MTUS2: variants seen among roughly 807,000 people sequenced by gnomAD.
The protein encoded by MTUS2 is microtubule-associated tumor suppressor candidate 2.
MTUS2 carries 40 observed loss-of-function variants against 114.1 expected under a neutral mutation model. The ratio of observed to expected loss-of-function variants is 0.35; its 90% CI spans 0.27 to 0.46. The LOEUF (loss-of-function observed/expected upper bound fraction) is 0.46. Among genes scored for constraint, MTUS2 ranks in the 20% least tolerant of loss-of-function variants. MTUS2 has a pLI of 1.00. For synonymous variants in MTUS2, 688 were observed against 672.0 expected (o/e 1.02, Z -0.37); for missense variants, 1,679 against 1,705.4 (o/e 0.98, Z 0.27).
intron 2 of MTUS2, among the ~76,000 whole-genome samples, chr13:28,977,210 T>C (rs1884153502): frequency 6.6e-6 from 1 of 152,188 alleles, no homozygotes; most frequent in African/African-American, 2.4e-5. Flanking sequence ...ACAGTGAATT[T>C]AAGTATGATT....
chr13:28,950,228 G>A (rs1219242754), intron 2 of MTUS2, among the ~76,000 whole-genome samples: 1 of 151,986 alleles, frequency 6.6e-6, no homozygotes, highest in Non-Finnish European at 1.5e-5. Context: ...TATTCTTGTT[G>A]GCCATTTGTA....
chr13:29,360,688 AC>A (rs57156729), intron 8 of MTUS2, among the ~76,000 whole-genome samples: 15,511 of 86,948 alleles, frequency 0.18, 1,518 homozygotes, highest in African/African-American at 0.28. Flanking sequence ...GTAGCCGAAC[AC>A]CCCCCCCCCC....
intron 1 of MTUS2, among the ~76,000 whole-genome samples, chr13:28,826,764 A>G (rs1874296961): frequency 6.6e-6 from 1 of 152,254 alleles, no homozygotes; most frequent in Admixed American, 6.5e-5. Flanking sequence ...CCCCAAAAGT[A>G]CAATAGAGAA....
chr13:28,835,068 G>T (rs568496246), intron 1 of MTUS2, among the ~76,000 whole-genome samples: 1 of 152,198 alleles, frequency 6.6e-6, no homozygotes, highest in Non-Finnish European at 1.5e-5. Context: ...TTGCTGGTGG[G>T]ACTGTGCAAT....
At chr13:28,828,968 A>G (rs992499297) in intron 1 of MTUS2, among the ~76,000 whole-genome samples, 4 of 152,202 alleles carry the variant, frequency 2.6e-5, no homozygotes, top group African/African-American at 7.2e-5. Flanking sequence ...TTGCATTAAT[A>G]TATTATTTAT....
intron 14 of MTUS2, among the ~76,000 whole-genome samples, 187 bp downstream of exon 14, chr13:29,498,724 C>T (rs1882708354): frequency 6.6e-6 from 1 of 152,180 alleles, no homozygotes; most frequent in Non-Finnish European, 1.5e-5. Context: ...TTGGAGGTGG[C>T]CTCACCTTGT....
At chr13:28,952,104 C>T (rs1181741559) in intron 2 of MTUS2, among the ~76,000 whole-genome samples, 2 of 152,124 alleles carry the variant, frequency 1.3e-5, no homozygotes, top group African/African-American at 2.4e-5. Context: ...TACTGTTTCT[C>T]CTTTTCTAAA....
At chr13:29,039,232 G>C (rs1004679150) in intron 4 of MTUS2, among the ~76,000 whole-genome samples, 1 of 152,234 alleles carries the variant, frequency 6.6e-6, no homozygotes. Context: ...GCTAGCCCAG[G>C]AGCCAGCTCA....
intron 5 of MTUS2, among the ~76,000 whole-genome samples, chr13:29,225,998 T>A (rs1436082012): frequency 6.6e-6 from 1 of 152,170 alleles, no homozygotes; most frequent in Non-Finnish European, 1.5e-5. Context: ...TCCTTTAGAA[T>A]TAGGGTTGTA....
chr13:29,198,948 C>T (rs184427159), intron 5 of MTUS2, among the ~76,000 whole-genome samples: 1 of 152,068 alleles, frequency 6.6e-6, no homozygotes, highest in African/African-American at 2.4e-5. Context: ...AGTTGCTTAT[C>T]AGCTTAAGGA....
In MTUS2 at chr13:29,020,837, C is replaced by T. The variant is rs562837675; in HGVS notation, c.-242-3620C>T. ...CCTTCTCTGTGCTTTCATTTCCTTACCAGGACGTGGGAAAAAAAAAAAAGC... is the reference window on the plus strand; with the variant it reads ...CCTTCTCTGTGCTTTCATTTCCTTATCAGGACGTGGGAAAAAAAAAAAAGC... On this transcript the variant is annotated intron_variant, in intron 2 of 15. Transcript: ENST00000612955. Among the ~76,000 whole-genome samples, 4 of 122,996 alleles carry T rather than the reference C, an allele frequency of 3.3e-5. No homozygotes were observed. In the South Asian group the frequency reaches 9.1e-4, roughly 28 times the overall value. 80.7% of individuals were successfully genotyped at this position (122,996 alleles called of 152,430 possible).
intron 5 of MTUS2, among the ~76,000 whole-genome samples, chr13:29,206,319 A>G (rs1282821744): frequency 6.6e-6 from 1 of 152,168 alleles, no homozygotes; most frequent in Non-Finnish European, 1.5e-5. Flanking sequence ...CCTTTGTCAG[A>G]TGCATAGTTT....
intron 2 of MTUS2, among the ~76,000 whole-genome samples, chr13:28,978,922 C>T (rs1017669191): frequency 2.0e-5 from 3 of 152,124 alleles, no homozygotes; most frequent in Non-Finnish European, 4.4e-5. Flanking sequence ...TGGGATCTAC[C>T]GCTCCATTTC....
chr13:28,910,465 G>A (rs1210566266), intron 2 of MTUS2, among the ~76,000 whole-genome samples: 3 of 151,952 alleles, frequency 2.0e-5, no homozygotes, highest in Non-Finnish European at 2.9e-5. Context: ...GTGGTTTGCC[G>A]CGTAGATCAA....
intron 4 of MTUS2, among the ~76,000 whole-genome samples, chr13:29,053,436 C>T (rs951089958): frequency 2.6e-5 from 4 of 152,274 alleles, no homozygotes; most frequent in African/African-American, 9.6e-5. Context: ...AGGCCCAGTT[C>T]ACAGTGTCCC....
At chr13:29,290,147 C>T (rs918882064) in intron 6 of MTUS2, among the ~76,000 whole-genome samples, 3 of 152,168 alleles carry the variant, frequency 2.0e-5, no homozygotes, top group African/African-American at 2.4e-5. Flanking sequence ...GTAATACTTT[C>T]GGTGCCTTTC....
intron 2 of MTUS2, among the ~76,000 whole-genome samples, chr13:28,939,568 T>G (rs955240637): frequency 1.3e-5 from 2 of 152,194 alleles, no homozygotes; most frequent in Non-Finnish European, 2.9e-5. Flanking sequence ...AATTGAGTGT[T>G]TGCTTTATGC....
intron 8 of MTUS2, among the ~76,000 whole-genome samples, chr13:29,407,662 A>G (rs2138529429): frequency 6.6e-6 from 1 of 151,870 alleles, no homozygotes; most frequent in South Asian, 2.1e-4. Flanking sequence ...TTTTTTTAGT[A>G]GAGATGGGGT....
At chr13:28,868,763 A>G (rs1877449466) in intron 2 of MTUS2, among the ~76,000 whole-genome samples, 1 of 152,232 alleles carries the variant, frequency 6.6e-6, no homozygotes, top group Non-Finnish European at 1.5e-5. Flanking sequence ...CTATAATTTT[A>G]GACTATCAGT....
Sources: gnomAD v4.1 joint callset for allele counts (sites outside exome capture counted in the v4.1 genomes callset) on GRCh38, gnomAD v4.1.1 for gene constraint, MANE v1.5 for transcripts, NCBI Gene and HGNC (gene_info 2026-07-23, HGNC 2026-07-21) for gene names.